Variants in DCC observed in about 807,000 individuals in gnomAD.
The protein encoded by DCC is netrin receptor DCC.
DCC carries 58 observed loss-of-function variants against 172.5 expected under a neutral mutation model. The observed-to-expected ratio is 0.34, with a 90% CI of 0.27 to 0.42. The LOEUF is 0.42. DCC is among the 10% of genes least tolerant of loss of function. The pLI, the probability that DCC is intolerant of heterozygous loss-of-function variation, is 1.00. For missense variants in DCC, 1,740 were observed against 1,791.0 expected (o/e 0.97, Z 0.51); for synonymous variants, 709 against 644.5 (o/e 1.10, Z -1.52).
At chr18:53,523,833 C>T (rs569721340) in intron 27 of DCC, among the ~76,000 whole-genome samples, 2 of 151,980 alleles carry the variant, frequency 1.3e-5, no homozygotes, top group Non-Finnish European at 2.9e-5. Context: ...AGCAAACCAC[C>T]ATGGCACATG....
At chr18:53,081,601 C>A (rs1300830285) in intron 7 of DCC, among the ~76,000 whole-genome samples, 2 of 151,974 alleles carry the variant, frequency 1.3e-5, no homozygotes, top group Non-Finnish European at 2.9e-5. Context: ...ACATGTGCCT[C>A]ATTTAAACAT....
intron 2 of DCC, among the ~76,000 whole-genome samples, chr18:52,819,393 G>C (rs952185778): frequency 3.3e-5 from 5 of 152,160 alleles, no homozygotes; most frequent in Non-Finnish European, 7.3e-5. Context: ...ACAACTTCCT[G>C]ACTAGATTAG....
chr18:53,293,746 C>A (rs571438831), intron 12 of DCC, among the ~76,000 whole-genome samples: 32 of 152,304 alleles, frequency 2.1e-4, no homozygotes, highest in African/African-American at 7.2e-4. Context: ...AACCTCATCA[C>A]TAGAGAGATG....
At chr18:52,690,769 C>T (rs2035918792) in intron 1 of DCC, among the ~76,000 whole-genome samples, 3 of 151,944 alleles carry the variant, frequency 2.0e-5, no homozygotes, top group Admixed American at 2.0e-4. Context: ...TTAATAAAAA[C>T]CATGCTAGAA....
At chr18:53,392,360 G>A (rs763810179) in intron 17 of DCC, among the ~76,000 whole-genome samples, 13 of 151,952 alleles carry the variant, frequency 8.6e-5, no homozygotes, top group African/African-American at 2.7e-4. Flanking sequence ...AGCACTCTAA[G>A]CCATTAACAT....
At chr18:53,289,380 G>A (rs891850069) in intron 12 of DCC, among the ~76,000 whole-genome samples, 1 of 152,054 alleles carries the variant, frequency 6.6e-6, no homozygotes, top group African/African-American at 2.4e-5. Context: ...TTCTAATTTA[G>A]AGGCATAAAT....
chr18:52,736,588 G>A (rs76110957), intron 1 of DCC, among the ~76,000 whole-genome samples: 1,954 of 152,174 alleles, frequency 0.013, 32 homozygotes, highest in African/African-American at 0.044. Context: ...TCACTTACTT[G>A]ATTACATTAA....
chr18:53,286,620 G>C (rs1278701180), intron 12 of DCC, among the ~76,000 whole-genome samples: 3 of 152,164 alleles, frequency 2.0e-5, no homozygotes, highest in East Asian at 3.9e-4. Context: ...GGCAGCACTT[G>C]ATGCAATGGA....
chr18:52,829,704 C>T (rs2038578210), intron 2 of DCC, among the ~76,000 whole-genome samples: 1 of 152,052 alleles, frequency 6.6e-6, no homozygotes, highest in Non-Finnish European at 1.5e-5. Flanking sequence ...GTATTACTCA[C>T]CAAAAATTAC....
chr18:52,656,233 T>C (rs1039213517), intron 1 of DCC, among the ~76,000 whole-genome samples: 10 of 151,692 alleles, frequency 6.6e-5, no homozygotes, highest in African/African-American at 2.4e-4. Flanking sequence ...GATGGGACCT[T>C]TGAGATATGA....
rs560144389 is a variant in DCC at position 52,374,923 on chromosome 18, C to T, written c.91+34045C>T. Among the ~76,000 whole-genome samples, 117 of 152,160 alleles carry T rather than the reference C, an allele frequency of 7.7e-4. No individual in the cohort carries two copies. In the South Asian group the frequency reaches 0.011, roughly 15 times the overall value. On this transcript the variant is annotated intron_variant, in intron 1 of 28. Coordinates refer to ENST00000442544, the MANE Select transcript of DCC (RefSeq NM_005215.4). ...GTTACACTCCTTTTTTTCTCCTTCT[C>T]AATATTGATTTCCCAGCCATTGACC...
In DCC at chr18:53,158,988, CAA is replaced by C. The variant is rs558049091; in HGVS notation, c.1418+1492_1418+1493del. ...AGCCTGGGCAACAGAGACGCCATCTCAAAAAAAAAAAAAAAAAGAAGAAGATG... is the reference window on the plus strand; with the variant it reads ...AGCCTGGGCAACAGAGACGCCATCTCAAAAAAAAAAAAAAAGAAGAAGATG... On this transcript the variant is annotated intron_variant, in intron 8 of 28. Coordinates refer to ENST00000442544, the MANE Select transcript of DCC (RefSeq NM_005215.4). 2.5e-4 allele frequency among the ~76,000 whole-genome samples: 13 copies of C among 52,344 alleles called. No individual in the cohort carries two copies. In the East Asian group the frequency reaches 4.5e-3, roughly 18 times the overall value. 34.3% of individuals were successfully genotyped at this position (52,344 alleles called of 152,430 possible). A position where few individuals can be genotyped will look rare whatever the true frequency, so the allele number is the denominator to read the frequency against.
At chr18:53,474,764 G>A (rs2045741475) in intron 25 of DCC, among the ~76,000 whole-genome samples, 1 of 152,202 alleles carries the variant, frequency 6.6e-6, no homozygotes, top group Non-Finnish European at 1.5e-5. Flanking sequence ...TGTTCTGGGA[G>A]TGGGGCATTG....
At chr18:53,169,839 G>A (rs563553353) in intron 8 of DCC, among the ~76,000 whole-genome samples, 1 of 152,208 alleles carries the variant, frequency 6.6e-6, no homozygotes, top group Non-Finnish European at 1.5e-5. Context: ...CATTTACAGA[G>A]GGGTATGGAC....
intron 9 of DCC, among the ~76,000 whole-genome samples, chr18:53,195,690 G>A (rs1263285966): frequency 6.6e-6 from 1 of 151,744 alleles, no homozygotes; most frequent in African/African-American, 2.4e-5. Flanking sequence ...TCCTCCTGAT[G>A]TGTCCTGTCT....
intron 5 of DCC, among the ~76,000 whole-genome samples, chr18:53,045,993 A>G (rs2042232840): frequency 6.6e-6 from 1 of 151,826 alleles, no homozygotes; most frequent in Non-Finnish European, 1.5e-5. Flanking sequence ...TCACACATAC[A>G]AATGCTTTTT....
chr18:52,489,204 T>C (rs185775081), intron 1 of DCC, among the ~76,000 whole-genome samples: 1 of 152,240 alleles, frequency 6.6e-6, no homozygotes, highest in East Asian at 1.9e-4. Context: ...TCCTAGATGA[T>C]ACTGGTGCTG....
chr18:52,975,165 A>C (rs920268047), intron 5 of DCC, among the ~76,000 whole-genome samples: 1 of 152,202 alleles, frequency 6.6e-6, no homozygotes. Flanking sequence ...GACCACATAT[A>C]ATTATCTTTT....
chr18:52,845,677 A>G (rs1475335904), intron 2 of DCC, among the ~76,000 whole-genome samples: 1 of 152,226 alleles, frequency 6.6e-6, no homozygotes, highest in Non-Finnish European at 1.5e-5. Context: ...AGCCATGAAC[A>G]TTAACTCTTT....
Sources: gnomAD v4.1 joint callset for allele counts (sites outside exome capture counted in the v4.1 genomes callset) on GRCh38, gnomAD v4.1.1 for gene constraint, MANE v1.5 for transcripts, NCBI Gene and HGNC (gene_info 2026-07-23, HGNC 2026-07-21) for gene names.